The following PRPF18 variants were observed in gnomAD, a reference collection of about 807,000 sequenced individuals.
PRPF18 encodes the protein pre-mRNA-splicing factor 18.
A neutral mutation model predicts 46.5 loss-of-function variants in PRPF18; 38 were observed. The ratio of observed to expected loss-of-function variants is 0.82; its 90% CI spans 0.63 to 1.07. The LOEUF is 1.07. Among genes scored for constraint, PRPF18 ranks in the 50% least tolerant of loss-of-function variants. The probability of loss-of-function intolerance (pLI) is 0.00; values close to 1 mark genes in which losing one functional copy is unlikely to be tolerated. For synonymous variants in PRPF18, 152 were observed against 146.7 expected (o/e 1.04, Z -0.26); for missense variants, 263 against 410.0 (o/e 0.64, Z 3.10).
intron 3 of PRPF18, among the ~76,000 whole-genome samples, chr10:13,603,392 G>T (rs2080143056): frequency 6.6e-6 from 1 of 152,032 alleles, no homozygotes; most frequent in Non-Finnish European, 1.5e-5. Flanking sequence ...TCGAAGTCAG[G>T]TAGTTTATTA....
At position 13,610,179 on chromosome 10, in the gene PRPF18, G is replaced by C. The variant is rs146313611; in HGVS notation, c.504G>C (p.Glu168Asp). The change falls in exon 5 of 10, where the codon GAG becomes GAC. Residue 168 changes from glutamate (E) to aspartate (D), a missense_variant. Glu to Asp is a conservative substitution (Grantham distance 45, BLOSUM62 2). Coordinates refer to ENST00000378572, the MANE Select transcript of PRPF18 (RefSeq NM_003675.4). ...KVHEENTTIE[E>D]LEALGESLGK... ...ATGAGGAAAACACCACAATTGAAGA[G>C]TTAGAGGTAATCTCTACACCAAGCC... 6.2e-7 allele frequency: 1 copy of C among 1,613,778 alleles called. No homozygotes were observed. The highest frequency in any genetic ancestry group is 1.1e-5 in the South Asian group (1 of 91,050).
At chr10:13,641,289 C>T in the PRPF18 span, 2 of 152,342 alleles carry the variant, frequency 1.3e-5, no homozygotes, top group South Asian at 2.1e-4. Context: ...CACTGGAAGG[C>T]CTGGAGTTGC....
At chr10:13,607,626 A>G (rs962657626) in intron 4 of PRPF18, among the ~76,000 whole-genome samples, 1 of 152,098 alleles carries the variant, frequency 6.6e-6, no homozygotes, top group African/African-American at 2.4e-5. Context: ...GCCCAGGCTG[A>G]TCTTGAACTC....
At chr10:13,601,179 CATA>C (rs1035268895) in intron 3 of PRPF18, among the ~76,000 whole-genome samples, 60 of 152,266 alleles carry the variant, frequency 3.9e-4, no homozygotes, top group African/African-American at 1.4e-3. Context: ...TCATTGCATA[CATA>C]ATAATGTGTG....
intron 1 of PRPF18, chr10:13,592,249 G>C (rs1367104420): frequency 1.9e-6 from 1 of 537,436 alleles, no homozygotes; most frequent in South Asian, 1.6e-5. Context: ...TTTTCACCTT[G>C]TCACCAGCCT....
intron 5 of PRPF18, 47 bp downstream of exon 5, chr10:13,610,232 C>T: frequency 6.3e-7 from 1 of 1,576,176 alleles, no homozygotes; most frequent in Non-Finnish European, 8.7e-7. Context: ...CCTTCTTTTT[C>T]CTCTGGAGCA....
intron 9 of PRPF18, among the ~76,000 whole-genome samples, chr10:13,622,926 C>T (rs1474057278): frequency 2.6e-5 from 4 of 152,124 alleles, no homozygotes; most frequent in South Asian, 2.1e-4. Flanking sequence ...AGGCCGGGCA[C>T]GGTGGCTCAC....
chr10:13,609,410 T>C (rs958574189), intron 4 of PRPF18, among the ~76,000 whole-genome samples: 1 of 152,232 alleles, frequency 6.6e-6, no homozygotes, highest in African/African-American at 2.4e-5. Flanking sequence ...AGATAGCTTT[T>C]ACTCTCAACC....
intron 1 of PRPF18, among the ~76,000 whole-genome samples, chr10:13,593,557 G>C (rs1160966958): frequency 1.3e-5 from 2 of 152,158 alleles, no homozygotes; most frequent in East Asian, 3.8e-4. Context: ...TGATACCCAG[G>C]GCAGAGTCTT....
chr10:13,600,247 C>A lies in PRPF18; in HGVS notation c.148C>A (p.Gln50Lys). The change falls in exon 3 of 10, where the codon CAG becomes AAG. Residue 50 changes from glutamine to lysine, a missense_variant. Physicochemically the swap from Gln to Lys is moderately conservative, Grantham distance 53. Transcript: ENST00000378572. ...TTTCTTTTGGCTATTAATATAGATACAGCCAAAAGAGGAGGACCAGAAACC... is the reference window on the plus strand; with the variant it reads ...TTTCTTTTGGCTATTAATATAGATAAAGCCAAAAGAGGAGGACCAGAAACC... Reference protein sequence around the residue: ...AYFERCGYKIQPKEEDQKPLT... With the variant: ...AYFERCGYKIKPKEEDQKPLT... 2 of 1,602,808 alleles carry A rather than the reference C, an allele frequency of 1.2e-6. No homozygotes were observed. The highest frequency in any genetic ancestry group is 1.7e-6 in the Non-Finnish European group (2 of 1,174,044).
intron 9 of PRPF18, among the ~76,000 whole-genome samples, chr10:13,617,942 C>G (rs1321540642): frequency 1.3e-5 from 2 of 152,100 alleles, no homozygotes; most frequent in Non-Finnish European, 2.9e-5. Flanking sequence ...CAGTGGTATT[C>G]TTGTGGATAG....
At chr10:13,590,999 C>T (rs1359443894) in intron 1 of PRPF18, among the ~76,000 whole-genome samples, 4 of 152,142 alleles carry the variant, frequency 2.6e-5, no homozygotes, top group South Asian at 2.1e-4. Context: ...AGCTTTACAA[C>T]GGTTAATTAG....
chr10:13,588,112 C>G (rs114023565), intron 1 of PRPF18, among the ~76,000 whole-genome samples: 2,003 of 152,158 alleles, frequency 0.013, 46 homozygotes, highest in African/African-American at 0.044. Context: ...GGTTTGTGCC[C>G]AACTGAAACA....
At chr10:13,610,219 C>A (rs370352877) in intron 5 of PRPF18, 34 bp downstream of exon 5, 7 of 1,595,986 alleles carry the variant, frequency 4.4e-6, no homozygotes, top group Middle Eastern at 1.7e-4. Flanking sequence ...ACATCCCTGG[C>A]ACCCTTCTTT....
At chr10:13,628,114 A>G (rs567994868) in intron 9 of PRPF18, among the ~76,000 whole-genome samples, 1 of 152,340 alleles carries the variant, frequency 6.6e-6, no homozygotes, top group East Asian at 1.9e-4. Flanking sequence ...CAAATACCTG[A>G]TTACACAGGG....
At chr10:13,606,997 C>T (rs927779106) in intron 4 of PRPF18, among the ~76,000 whole-genome samples, 9 of 152,278 alleles carry the variant, frequency 5.9e-5, no homozygotes, top group Non-Finnish European at 1.2e-4. Flanking sequence ...TAGCTCTTTG[C>T]GGCTTTAATC....
intron 1 of PRPF18, among the ~76,000 whole-genome samples, chr10:13,591,158 CA>C (rs1240796454): frequency 6.6e-6 from 1 of 152,178 alleles, no homozygotes; most frequent in Non-Finnish European, 1.5e-5. Context: ...AGGGAACATA[CA>C]CAACTAGGCG....
chr10:13,598,336 T>C (rs1444691290), intron 2 of PRPF18, among the ~76,000 whole-genome samples: 2 of 152,190 alleles, frequency 1.3e-5, no homozygotes, highest in Non-Finnish European at 2.9e-5. Context: ...GGAATACTTT[T>C]GCCAAATCAT....
At position 13,597,536 on chromosome 10, in the gene PRPF18, G is replaced by T; in HGVS notation, c.144+1G>T. The stretch of plus-strand genomic sequence containing the variant: ...ATATTTTGAAAGATGTGGCTACAAG[G>T]TATGAATGTCTGCTTTTATGTTAAA... On this transcript the variant is annotated splice_donor_variant, in intron 2 of 9. Coordinates refer to ENST00000378572, the MANE Select transcript of PRPF18 (RefSeq NM_003675.4). LOFTEE classifies it high-confidence loss of function. The T allele has an allele frequency of 1.2e-6, 2 of 1,610,144 alleles. No individual in the cohort carries two copies. Among genetic ancestry groups the T allele is most frequent in the Non-Finnish European group, 1.7e-6 (2 of 1,177,600 alleles).
Sources: allele counts gnomAD v4.1 joint callset (sites outside exome capture counted in the v4.1 genomes callset), GRCh38; gene constraint gnomAD v4.1.1; transcripts MANE v1.5; gene names NCBI Gene and HGNC (gene_info 2026-07-23, HGNC 2026-07-21).